ABLIM1: variants seen among roughly 807,000 people sequenced by gnomAD.
ABLIM1 encodes actin-binding LIM protein 1.
Under a neutral mutation model 107.0 loss-of-function variants are expected in ABLIM1, and 40 were observed. The observed-to-expected ratio is 0.37, with a 90% confidence interval of 0.29 to 0.49. The LOEUF (loss-of-function observed/expected upper bound fraction) is 0.49. ABLIM1 is among the 20% of genes least tolerant of loss of function. ABLIM1 has a pLI of 0.97. For synonymous variants in ABLIM1, 357 were observed against 357.3 expected, an observed-to-expected ratio of 1.00 and a Z score of 0.01; for missense variants, 857 against 1,008.5, an observed-to-expected ratio of 0.85 and a Z score of 2.04.
intron 6 of ABLIM1, among the ~76,000 whole-genome samples, chr10:114,522,688 C>G (rs1228013235): frequency 2.6e-5 from 4 of 152,150 alleles, no homozygotes; most frequent in African/African-American, 9.7e-5. Context: ...CTGAGAAGGA[C>G]ACAAACACGT....
chr10:114,466,291 C>T (rs2065134282), intron 11 of ABLIM1, among the ~76,000 whole-genome samples: 2 of 151,950 alleles, frequency 1.3e-5, no homozygotes. Context: ...GCCTGGACGA[C>T]AGAGTGAGAC....
At chr10:114,788,282 C>A in the ABLIM1 span, among the ~76,000 whole-genome samples, 7 of 146,600 alleles carry the variant, frequency 4.8e-5, no homozygotes, top group Non-Finnish European at 1.1e-4. Flanking sequence ...TGTCCTGTGA[C>A]CCTGCCAAAT....
intron 12 of ABLIM1, among the ~76,000 whole-genome samples, chr10:114,463,689 T>A (rs2064462076): frequency 6.6e-6 from 1 of 152,082 alleles, no homozygotes; most frequent in South Asian, 2.1e-4. Context: ...TCCCGAGAAC[T>A]TCAGCAGGAG....
chr10:114,655,945 C>T (rs988506418), intron 1 of ABLIM1, among the ~76,000 whole-genome samples: 5 of 152,098 alleles, frequency 3.3e-5, no homozygotes, highest in African/African-American at 4.8e-5. Flanking sequence ...AGTGAGATAC[C>T]GCTTCACACC....
At chr10:114,773,067 G>A in the ABLIM1 span, among the ~76,000 whole-genome samples, 6 of 151,744 alleles carry the variant, frequency 4.0e-5, no homozygotes, top group Admixed American at 2.0e-4. Flanking sequence ...GCAAAATAGA[G>A]GTTAAGATAT....
At chr10:114,789,481 C>T in the ABLIM1 span, among the ~76,000 whole-genome samples, 4 of 152,074 alleles carry the variant, frequency 2.6e-5, no homozygotes, top group African/African-American at 7.2e-5. Context: ...TTACTTTAGA[C>T]TTGGGGTACA....
intron 1 of ABLIM1, among the ~76,000 whole-genome samples, chr10:114,664,962 C>CA (rs1270504935): frequency 1.3e-5 from 2 of 151,650 alleles, no homozygotes. Context: ...ACTAAAAATA[C>CA]AAAAAATTAG....
intron 8 of ABLIM1, among the ~76,000 whole-genome samples, chr10:114,485,866 T>C (rs2058110655): frequency 6.6e-6 from 1 of 152,228 alleles, no homozygotes; most frequent in South Asian, 2.1e-4. Flanking sequence ...TTGTGATGTG[T>C]AGACACACCC....
At chr10:114,760,077 A>T (rs1385946792) in intron 1 of ABLIM1, among the ~76,000 whole-genome samples, 2 of 152,142 alleles carry the variant, frequency 1.3e-5, no homozygotes, top group Non-Finnish European at 1.5e-5. Context: ...TTGTTAAATG[A>T]CTACATTAAT....
intron 2 of ABLIM1, among the ~76,000 whole-genome samples, chr10:114,593,956 A>G (rs1431023490): frequency 6.6e-6 from 1 of 152,216 alleles, no homozygotes; most frequent in African/African-American, 2.4e-5. Flanking sequence ...TTACTAAACA[A>G]AGACAGTATG....
intron 1 of ABLIM1, among the ~76,000 whole-genome samples, chr10:114,640,568 A>G (rs2078698394): frequency 2.0e-5 from 3 of 152,136 alleles, no homozygotes; most frequent in Admixed American, 6.5e-5. Flanking sequence ...CAACAACAAA[A>G]AACAGTTGAG....
chr10:114,530,329 T>A (rs2136949274), intron 6 of ABLIM1, among the ~76,000 whole-genome samples: 1 of 152,188 alleles, frequency 6.6e-6, no homozygotes. Context: ...TTAAGAGACC[T>A]CTTCACCGTC....
At chr10:114,526,668 A>G (rs2064812124) in intron 6 of ABLIM1, 2 of 985,534 alleles carry the variant, frequency 2.0e-6, no homozygotes, top group Non-Finnish European at 1.2e-6. Context: ...ACCTCAGGCC[A>G]GGGTTCCTTT....
rs550754912 is a variant in ABLIM1, at chr10:114,726,208, A to T, written c.-213+41853T>A. 1.6e-4 allele frequency among the ~76,000 whole-genome samples: 25 copies of T among 152,292 alleles called. 1 individual carries two copies. The South Asian group carries it at 5.2e-3, about 32-fold the overall frequency. On this transcript the variant is annotated intron_variant, in intron 1 of 15. Coordinates refer to the ABLIM1 transcript ENST00000651092. Reference sequence around the variant, plus strand: ...TTGTTGTTGTTACAAAATGAACCTGAGTAAGTAGAAAGTAATTTTCACCAA... The same window carrying T: ...TTGTTGTTGTTACAAAATGAACCTGTGTAAGTAGAAAGTAATTTTCACCAA...
intron 6 of ABLIM1, among the ~76,000 whole-genome samples, chr10:114,536,225 T>G (rs2065989480): frequency 1.2e-5 from 1 of 84,068 alleles, no homozygotes; most frequent in Non-Finnish European, 2.3e-5. Flanking sequence ...CCTTCTTTCT[T>G]TGTTTTTTTT....
chr10:114,536,655 A>G (rs1429557479), intron 6 of ABLIM1, among the ~76,000 whole-genome samples: 1 of 152,024 alleles, frequency 6.6e-6, no homozygotes, highest in Admixed American at 6.6e-5. Flanking sequence ...TAGATATACC[A>G]CCTTTTGCTT....
upstream of ABLIM1, among the ~76,000 whole-genome samples, chr10:114,688,574 T>A (rs1203864435): frequency 1.3e-5 from 2 of 152,204 alleles, no homozygotes; most frequent in African/African-American, 4.8e-5. Flanking sequence ...TGAACAAAGA[T>A]TCCCTCATTG....
At chr10:114,681,524 G>A (rs552604460) in intron 1 of ABLIM1, among the ~76,000 whole-genome samples, 2 of 152,170 alleles carry the variant, frequency 1.3e-5, no homozygotes, top group African/African-American at 2.4e-5. Flanking sequence ...CACCAGGGAT[G>A]TGCTTCCCAC....
the ABLIM1 span, among the ~76,000 whole-genome samples, chr10:114,783,477 T>C: frequency 1.3e-5 from 2 of 152,136 alleles, no homozygotes; most frequent in South Asian, 2.1e-4. Flanking sequence ...AAATCCAAAA[T>C]TGATCCACAT....
Sources: gnomAD v4.1 joint callset for allele counts (sites outside exome capture counted in the v4.1 genomes callset) on GRCh38, gnomAD v4.1.1 for gene constraint, MANE v1.5 for transcripts, NCBI Gene and HGNC (gene_info 2026-07-23, HGNC 2026-07-21) for gene names.